The following AGBL4 variants were observed in gnomAD, a reference collection of about 807,000 sequenced individuals.
AGBL4 encodes cytosolic carboxypeptidase 6.
In AGBL4, 58 loss-of-function variants were observed where a neutral mutation model predicts 66.4. The ratio of observed to expected loss-of-function variants is 0.87; its 90% CI spans 0.71 to 1.09. The LOEUF (loss-of-function observed/expected upper bound fraction) is 1.09, where lower values mean the gene tolerates loss of function less well. Among genes scored for constraint, AGBL4 ranks in the 50% least tolerant of loss-of-function variants. The probability of loss-of-function intolerance (pLI) is 0.00; values close to 1 mark genes in which losing one functional copy is unlikely to be tolerated. For synonymous variants in AGBL4, 234 were observed against 222.9 expected (o/e 1.05, Z -0.44); for missense variants, 579 against 631.0 (o/e 0.92, Z 0.88).
intron 4 of AGBL4, among the ~76,000 whole-genome samples, chr1:49,052,936 G>A (rs1330931367): frequency 6.6e-6 from 1 of 152,248 alleles, no homozygotes; most frequent in East Asian, 1.9e-4. Flanking sequence ...GGCTGTAATC[G>A]ATTTCCATTA....
intron 1 of AGBL4, among the ~76,000 whole-genome samples, chr1:49,923,767 C>A (rs909018731): frequency 1.3e-5 from 2 of 152,018 alleles, no homozygotes; most frequent in Admixed American, 1.3e-4. Context: ...CAATGAGATA[C>A]CATTTCACAC....
chr1:49,250,636 G>A (rs555982510), intron 3 of AGBL4, among the ~76,000 whole-genome samples: 1 of 151,894 alleles, frequency 6.6e-6, no homozygotes, highest in African/African-American at 2.4e-5. Flanking sequence ...TAGAGACAGG[G>A]TTTCACCATG....
At chr1:48,588,625 A>C (rs933080173) in intron 10 of AGBL4, among the ~76,000 whole-genome samples, 1 of 150,958 alleles carries the variant, frequency 6.6e-6, no homozygotes, top group African/African-American at 2.4e-5. Context: ...AATACAAGAA[A>C]GGCACAGAAA....
chr1:49,283,640 A>G (rs1210248354), intron 3 of AGBL4, among the ~76,000 whole-genome samples: 5 of 151,778 alleles, frequency 3.3e-5, no homozygotes, highest in African/African-American at 4.8e-5. Context: ...AGAAGAATGT[A>G]TAACTAGAAT....
intron 4 of AGBL4, among the ~76,000 whole-genome samples, chr1:49,102,713 G>C (rs1645225474): frequency 6.6e-6 from 1 of 152,164 alleles, no homozygotes; most frequent in Admixed American, 6.6e-5. Context: ...CTGTGAAGTA[G>C]ATAGCAGTAT....
chr1:49,548,844 A>G (rs1286179417), intron 3 of AGBL4, among the ~76,000 whole-genome samples: 2 of 152,144 alleles, frequency 1.3e-5, no homozygotes, highest in Non-Finnish European at 2.9e-5. Flanking sequence ...AATAGCATCA[A>G]AGGATTGGTA....
intron 5 of AGBL4, among the ~76,000 whole-genome samples, chr1:49,007,307 C>T (rs1351494473): frequency 3.9e-4 from 48 of 124,402 alleles, no homozygotes; most frequent in Admixed American, 7.8e-4. Context: ...TGAAATGAAG[C>T]GAGAAGGGAA....
intron 3 of AGBL4, among the ~76,000 whole-genome samples, chr1:49,566,595 A>T (rs898051997): frequency 2.6e-5 from 4 of 152,178 alleles, no homozygotes; most frequent in African/African-American, 7.2e-5. Context: ...TATCAGCAGC[A>T]GTGGCTGCAG....
intron 3 of AGBL4, among the ~76,000 whole-genome samples, chr1:49,518,772 A>G (rs1426268227): frequency 6.6e-6 from 1 of 152,126 alleles, no homozygotes; most frequent in African/African-American, 2.4e-5. Flanking sequence ...ATTTAATTAA[A>G]TGTATGAATC....
intron 3 of AGBL4, among the ~76,000 whole-genome samples, chr1:49,260,312 C>T (rs11577003): frequency 0.3 from 44,650 of 148,760 alleles, 7,281 homozygotes; most frequent in East Asian, 0.71. Flanking sequence ...AAAATCAGAG[C>T]AGAACTGAAG....
intron 11 of AGBL4, among the ~76,000 whole-genome samples, chr1:48,568,444 G>T (rs896336300): frequency 6.6e-6 from 1 of 152,136 alleles, no homozygotes; most frequent in Non-Finnish European, 1.5e-5. Flanking sequence ...TCCTGGGGTA[G>T]AGCTGAAGTG....
chr1:49,322,484 C>A (rs930352426), intron 3 of AGBL4, among the ~76,000 whole-genome samples: 1 of 151,894 alleles, frequency 6.6e-6, no homozygotes, highest in African/African-American at 2.4e-5. Flanking sequence ...GTGGATATTA[C>A]CTTATTTGAA....
chr1:49,092,684 G>T (rs75272297), intron 4 of AGBL4, among the ~76,000 whole-genome samples: 1,860 of 152,158 alleles, frequency 0.012, 37 homozygotes, highest in African/African-American at 0.043. Context: ...TTTCATACCT[G>T]CCCTTCTCAG....
chr1:49,742,113 C>G (rs1650549739), intron 2 of AGBL4, among the ~76,000 whole-genome samples: 1 of 152,186 alleles, frequency 6.6e-6, no homozygotes, highest in Non-Finnish European at 1.5e-5. Flanking sequence ...GTCAAATTAT[C>G]CCTGTTTGCA....
At chr1:49,849,397 TTA>T (rs1437963394) in intron 2 of AGBL4, among the ~76,000 whole-genome samples, 16 of 77,790 alleles carry the variant, frequency 2.1e-4, no homozygotes, top group African/African-American at 8.5e-4. Context: ...ATCTAATTTA[TTA>T]TTATTATTAT....
intron 4 of AGBL4, among the ~76,000 whole-genome samples, chr1:49,128,998 T>C (rs972415469): frequency 2.6e-5 from 4 of 151,846 alleles, no homozygotes; most frequent in Admixed American, 6.6e-5. Context: ...TATAAAGAAC[T>C]CATACAATTC....
At chr1:48,557,607 G>A (rs912862036) in intron 11 of AGBL4, among the ~76,000 whole-genome samples, 4 of 152,174 alleles carry the variant, frequency 2.6e-5, no homozygotes, top group African/African-American at 9.7e-5. Flanking sequence ...TTTTGTGAAG[G>A]AAGCAATGGC....
At chr1:48,557,436 G>T (rs1644337044) in intron 11 of AGBL4, among the ~76,000 whole-genome samples, 1 of 152,088 alleles carries the variant, frequency 6.6e-6, no homozygotes, top group South Asian at 2.1e-4. Context: ...AAGTGACCTG[G>T]CTCTTCCCCT....
chr1:49,591,584 C>A (rs1361324605), intron 3 of AGBL4, among the ~76,000 whole-genome samples: 8 of 152,064 alleles, frequency 5.3e-5, no homozygotes, highest in African/African-American at 1.9e-4. Flanking sequence ...CAAGAAAAAA[C>A]TATTTTAAAA....
Sources: allele counts gnomAD v4.1 joint callset (sites outside exome capture counted in the v4.1 genomes callset), GRCh38; gene constraint gnomAD v4.1.1; transcripts MANE v1.5; gene names NCBI Gene and HGNC (gene_info 2026-07-23, HGNC 2026-07-21).